NTNG2: variants seen among roughly 807,000 people sequenced by gnomAD.
NTNG2 encodes the protein netrin G2.
A neutral mutation model predicts 47.6 loss-of-function variants in NTNG2; 15 were observed. That is an observed-to-expected ratio of 0.32 (90% CI 0.21 to 0.49). NTNG2 has a LOEUF of 0.49. NTNG2 is among the 20% of genes least tolerant of loss of function. The pLI is 0.99. For missense variants in NTNG2, 578 were observed against 764.6 expected (o/e 0.76, Z 2.88); for synonymous variants, 307 against 324.6 (o/e 0.95, Z 0.58).
intron 4 of NTNG2, among the ~76,000 whole-genome samples, 166 bp downstream of exon 4, chr9:132,227,187 A>G (rs1032966881): frequency 6.6e-6 from 1 of 152,226 alleles, no homozygotes; most frequent in African/African-American, 2.4e-5. Flanking sequence ...ATGCATGCAC[A>G]GGCATGGGCA....
At chr9:132,167,552 C>T (rs536808909) in intron 2 of NTNG2, among the ~76,000 whole-genome samples, 1 of 152,102 alleles carries the variant, frequency 6.6e-6, no homozygotes, top group Non-Finnish European at 1.5e-5. Context: ...GGAGGTTTGA[C>T]GGAGGCTCAG....
At chr9:132,209,661 G>C (rs1439092826) in intron 3 of NTNG2, among the ~76,000 whole-genome samples, 1 of 152,250 alleles carries the variant, frequency 6.6e-6, no homozygotes, top group African/African-American at 2.4e-5. Context: ...CAGAGCCCGG[G>C]AGTCCGGGAT....
chr9:132,174,980 G>A (rs1414768099), intron 2 of NTNG2, among the ~76,000 whole-genome samples: 1 of 151,946 alleles, frequency 6.6e-6, no homozygotes, highest in Non-Finnish European at 1.5e-5. Context: ...TAGCTTGAGG[G>A]ACAGAAGAGG....
At chr9:132,219,587 AAGAAAG>A (rs1251959956) in intron 3 of NTNG2, among the ~76,000 whole-genome samples, 57 of 133,962 alleles carry the variant, frequency 4.3e-4, no homozygotes, top group African/African-American at 1.5e-3. Flanking sequence ...AAAAAAAAAA[AAGAAAG>A]AAAGAAAGAA....
chr9:132,190,131 G>A (rs1449685780), intron 2 of NTNG2, among the ~76,000 whole-genome samples: 1 of 148,632 alleles, frequency 6.7e-6, no homozygotes, highest in African/African-American at 2.5e-5. Context: ...TACTTGGGAG[G>A]CTGAGGCAGG....
At chr9:132,179,840 A>G (rs1042892369) in intron 2 of NTNG2, among the ~76,000 whole-genome samples, 4 of 152,220 alleles carry the variant, frequency 2.6e-5, no homozygotes, top group African/African-American at 4.8e-5. Context: ...CTTCTGTCAC[A>G]CAGGAGTTCG....
chr9:132,197,337 C>T lies in NTNG2; in HGVS notation c.214-629C>T, dbSNP rs142318307. On this transcript the variant is annotated intron_variant, in intron 2 of 7. Transcript: ENST00000393229. This position sits in a 1 kb window ranked among gnomAD's most constrained non-coding sequence, Gnocchi z 4.3. Reference sequence around the variant, plus strand: ...CTGGGAGGTGGAGGTTGCTGTGAGCCGAGATCGCCCCACTGCACTCCATCC... The same window carrying T: ...CTGGGAGGTGGAGGTTGCTGTGAGCTGAGATCGCCCCACTGCACTCCATCC... 7.2e-5 allele frequency among the ~76,000 whole-genome samples: 11 copies of T among 152,144 alleles called. No homozygotes were observed. In the East Asian group the frequency reaches 1.2e-3, roughly 16 times the overall value.
rs2130878887 is a variant in NTNG2 at position 132,218,307 on chromosome 9, T to G, written c.858-8542T>G. ...CACTTCACCACCCCAAGTCTCAGTTTCCCCATCTGCACAACGAAGATAATA... is the reference window on the plus strand; with the variant it reads ...CACTTCACCACCCCAAGTCTCAGTTGCCCCATCTGCACAACGAAGATAATA... On this transcript the variant is annotated intron_variant, in intron 3 of 7. Coordinates refer to ENST00000393229, the MANE Select transcript of NTNG2 (RefSeq NM_032536.4). This position sits in a 1 kb window ranked among gnomAD's most constrained non-coding sequence, Gnocchi z 5.4. Among the ~76,000 whole-genome samples, 1 of 152,236 alleles carries G rather than the reference T, an allele frequency of 6.6e-6. No individual in the cohort carries two copies. The highest frequency in any genetic ancestry group is 1.5e-5 in the Non-Finnish European group (1 of 68,022).
At chr9:132,211,742 G>T (rs2130831039) in intron 3 of NTNG2, among the ~76,000 whole-genome samples, 1 of 152,236 alleles carries the variant, frequency 6.6e-6, no homozygotes, top group East Asian at 1.9e-4. Context: ...CTCCAGCCTT[G>T]GCGGCTTGTG....
chr9:132,170,187 T>C (rs763969676), intron 2 of NTNG2, among the ~76,000 whole-genome samples: 19 of 152,180 alleles, frequency 1.2e-4, no homozygotes, highest in Non-Finnish European at 2.5e-4. Context: ...GCAGACCCTC[T>C]CTCTTTCCCA....
intron 3 of NTNG2, among the ~76,000 whole-genome samples, chr9:132,217,197 G>T (rs1453992646): frequency 2.0e-5 from 3 of 152,246 alleles, no homozygotes; most frequent in Non-Finnish European, 4.4e-5. Flanking sequence ...GTTTAATAAT[G>T]CATGGCGTCT....
chr9:132,244,485 C>T lies in NTNG2; in HGVS notation c.*2374C>T, dbSNP rs903706920. 4 of 152,278 alleles carry T rather than the reference C, an allele frequency of 2.6e-5. No individual in the cohort carries two copies. Among genetic ancestry groups the T allele is most frequent in the Non-Finnish European group, 4.4e-5 (3 of 68,072 alleles). The allele number at this position is 152,278 out of a possible 1,614,324, so 9.4% of individuals were successfully genotyped here. On this transcript the variant is annotated 3_prime_UTR_variant, in exon 8 of 8. Transcript: ENST00000393229. ...ATGAGCCACCGCACCACCTGCCTGT[C>T]TTACTGTGTGAGAAAAAAAATAAAC...
At chr9:132,214,769 T>A (rs1006668795) in intron 3 of NTNG2, among the ~76,000 whole-genome samples, 3 of 152,178 alleles carry the variant, frequency 2.0e-5, no homozygotes, top group East Asian at 3.9e-4. Context: ...GAATTTCAGA[T>A]AAACAAGGGA....
Position 132,226,774 on chromosome 9 carries a change from C to A in NTNG2, c.858-75C>A. 1 of 1,349,910 alleles carries A rather than the reference C, an allele frequency of 7.4e-7. No individual in the cohort carries two copies. The highest frequency in any genetic ancestry group is 9.9e-7 in the Non-Finnish European group (1 of 1,010,874). 83.6% of individuals were successfully genotyped at this position (1,349,910 alleles called of 1,614,324 possible). A position where few individuals can be genotyped will look rare whatever the true frequency, so the allele number is the denominator to read the frequency against. On this transcript the variant is annotated intron_variant, in intron 3 of 7. Transcript: ENST00000393229. This position sits in a 1 kb window ranked among gnomAD's most constrained non-coding sequence, Gnocchi z 4.8. Reference sequence around the variant, plus strand: ...ACCCTCCTGGGCCCCTCCTGGGAGGCGCTCCTTTCCCCAGAGGCCAGGCCA... The same window carrying A: ...ACCCTCCTGGGCCCCTCCTGGGAGGAGCTCCTTTCCCCAGAGGCCAGGCCA...
rs747227067 is a variant in NTNG2 at position 132,231,369 on chromosome 9, G to C, written c.1054+774G>C. 9 of 455,892 alleles carry C rather than the reference G, an allele frequency of 2.0e-5. No individual in the cohort carries two copies. The highest frequency in any genetic ancestry group is 8.8e-6 in the Non-Finnish European group (2 of 226,562). The allele number at this position is 455,892 out of a possible 1,614,324, so 28.2% of individuals were successfully genotyped here. A position where few individuals can be genotyped will look rare whatever the true frequency, so the allele number is the denominator to read the frequency against. The stretch of plus-strand genomic sequence containing the variant: ...CAGGAGAGGACTGGCCAATGTCAAA[G>C]AGCCAGCCGGGAGCAGACCCCAAAT... On this transcript the variant is annotated intron_variant, in intron 5 of 7. Transcript: ENST00000393229. The surrounding 1 kb of genome is among the most constrained non-coding windows in gnomAD (Gnocchi z 4.1).
Position 132,185,405 on chromosome 9 carries a change from C to T in NTNG2, c.214-12561C>T, listed in dbSNP as rs370603959. On this transcript the variant is annotated intron_variant, in intron 2 of 7. Transcript: ENST00000393229. Reference sequence around the variant, plus strand: ...CCCAGCCAGGGGGGCCTGTCCCTCACCCCACCCCGGCACTGAAACCCTCAC... The same window carrying T: ...CCCAGCCAGGGGGGCCTGTCCCTCATCCCACCCCGGCACTGAAACCCTCAC... 2.2e-4 allele frequency among the ~76,000 whole-genome samples: 34 copies of T among 152,308 alleles called. No homozygotes were observed. In the East Asian group the frequency reaches 6.4e-3, roughly 29 times the overall value.
chr9:132,200,223 A>C (rs1285952307), intron 3 of NTNG2, among the ~76,000 whole-genome samples: 1 of 152,098 alleles, frequency 6.6e-6, no homozygotes, highest in Non-Finnish European at 1.5e-5. Flanking sequence ...GAGGGAGGAG[A>C]GAGTTGAGAC....
At chr9:132,175,120 G>A (rs565499361) in intron 2 of NTNG2, among the ~76,000 whole-genome samples, 3 of 152,102 alleles carry the variant, frequency 2.0e-5, no homozygotes, top group African/African-American at 7.2e-5. Flanking sequence ...GCAGGGAAGG[G>A]GGCCAGGTGA....
chr9:132,192,427 C>G (rs956740572), intron 2 of NTNG2, among the ~76,000 whole-genome samples: 1 of 152,266 alleles, frequency 6.6e-6, no homozygotes, highest in South Asian at 2.1e-4. Flanking sequence ...CCTGTCTCTA[C>G]TAAAAATACA....
Sources: gnomAD v4.1 joint callset for allele counts (sites outside exome capture counted in the v4.1 genomes callset) on GRCh38, gnomAD v4.1.1 for gene constraint, Gnocchi (gnomAD v3.1) non-coding constraint, MANE v1.5 for transcripts, NCBI Gene and HGNC (gene_info 2026-07-23, HGNC 2026-07-21) for gene names.